MYO5B: variants seen among roughly 807,000 people sequenced by gnomAD.
The protein encoded by MYO5B is unconventional myosin-Vb.
MYO5B carries 143 observed loss-of-function variants against 229.3 expected under a neutral mutation model. The ratio of observed to expected loss-of-function variants is 0.62; its 90% CI spans 0.54 to 0.72. MYO5B has a LOEUF of 0.72. Among genes scored for constraint, MYO5B ranks in the 30% least tolerant of loss-of-function variants. The pLI, the probability that MYO5B is intolerant of heterozygous loss-of-function variation, is 0.00. For synonymous variants in MYO5B, 918 were observed against 885.2 expected (o/e 1.04, Z -0.66); for missense variants, 2,321 against 2,331.0 (o/e 1.00, Z 0.09).
chr18:49,828,168 T>G (rs1169788524), intron 39 of MYO5B, among the ~76,000 whole-genome samples: 2 of 152,206 alleles, frequency 1.3e-5, no homozygotes, highest in Non-Finnish European at 2.9e-5. Flanking sequence ...GGGCTGACTG[T>G]ATAAGGTATC....
chr18:50,004,689 G>T (rs1473278806), intron 4 of MYO5B, among the ~76,000 whole-genome samples: 1 of 152,158 alleles, frequency 6.6e-6, no homozygotes, highest in Admixed American at 6.5e-5. Context: ...GATCATGAGA[G>T]CCCATGAGTC....
chr18:50,194,051 G>A (rs1027752757), intron 1 of MYO5B, among the ~76,000 whole-genome samples: 7 of 152,106 alleles, frequency 4.6e-5, no homozygotes, highest in African/African-American at 1.2e-4. Flanking sequence ...CCCCCTCCCC[G>A]CAGTCACTGA....
At chr18:49,916,248 A>T (rs906462142) in intron 17 of MYO5B, among the ~76,000 whole-genome samples, 1 of 152,244 alleles carries the variant, frequency 6.6e-6, no homozygotes, top group Admixed American at 6.5e-5. Flanking sequence ...CTGCTGACAG[A>T]TCCATACTCA....
At chr18:49,964,670 A>T (rs189363003) in intron 10 of MYO5B, among the ~76,000 whole-genome samples, 1 of 152,172 alleles carries the variant, frequency 6.6e-6, no homozygotes, top group Non-Finnish European at 1.5e-5. Context: ...ACAGCTCAAC[A>T]TTTTTCTGTC....
At chr18:49,872,345 C>A in intron 26 of MYO5B, 113 bp from the exon 27 acceptor site, 1 of 960,466 alleles carries the variant, frequency 1.0e-6, no homozygotes, top group South Asian at 1.3e-5. Flanking sequence ...ATACCCAACA[C>A]CCCCACCCTC....
chr18:49,841,353 C>T lies in MYO5B; in HGVS notation c.4701+12G>A. ...GCAGGAATGCCTCCTGGGTGCCTGG[C>T]TCCCCACTCACCTCATCCCCGCTGT... is the stretch of plus-strand genomic sequence containing the variant. On this transcript the variant is annotated intron_variant, in intron 35 of 39. Coordinates refer to ENST00000285039, the MANE Select transcript of MYO5B (RefSeq NM_001080467.3). 2.5e-6 allele frequency: 4 copies of T among 1,613,004 alleles called. No homozygotes were observed. The highest frequency in any genetic ancestry group is 1.1e-5 in the South Asian group (1 of 91,054).
At chr18:49,875,598 G>T in intron 26 of MYO5B, 89 bp downstream of exon 26, 1 of 1,555,368 alleles carries the variant, frequency 6.4e-7, no homozygotes, top group Admixed American at 1.7e-5. Flanking sequence ...AATCCCATGT[G>T]GTCACACATG....
intron 4 of MYO5B, among the ~76,000 whole-genome samples, chr18:50,021,494 C>T (rs951643246): frequency 7.2e-5 from 11 of 152,056 alleles, no homozygotes; most frequent in Admixed American, 3.9e-4. Flanking sequence ...CCTGGAGTTA[C>T]GGCAAGAGCC....
At chr18:49,905,006 G>C (rs16951200) in intron 19 of MYO5B, among the ~76,000 whole-genome samples, 178 bp from the exon 20 acceptor site, 9 of 152,314 alleles carry the variant, frequency 5.9e-5, no homozygotes, top group African/African-American at 2.2e-4. Context: ...GGCATTTGAC[G>C]TTGTGGCTAG....
intron 17 of MYO5B, among the ~76,000 whole-genome samples, chr18:49,920,336 A>G (rs950501717): frequency 1.3e-5 from 2 of 152,214 alleles, no homozygotes; most frequent in African/African-American, 4.8e-5. Flanking sequence ...TGATGAAAAC[A>G]TAAGAGGTTT....
intron 4 of MYO5B, among the ~76,000 whole-genome samples, chr18:50,004,687 G>A (rs1162710546): frequency 6.6e-6 from 1 of 152,182 alleles, no homozygotes; most frequent in Non-Finnish European, 1.5e-5. Flanking sequence ...AGGATCATGA[G>A]AGCCCATGAG....
At position 50,067,138 on chromosome 18, in the gene MYO5B, A is replaced by G. The variant is rs77178454; in HGVS notation, c.28-11760T>C. On this transcript the variant is annotated intron_variant, in intron 1 of 39. Transcript: ENST00000285039. ...GTGAAATGTACCCTTTATCCACTCT[A>G]CTATGAAGATGGAAGGGGGAATTCA... Among the ~76,000 whole-genome samples the G allele has an allele frequency of 1.1e-4, 17 of 152,304 alleles. No homozygotes were observed. The East Asian group carries it at 3.3e-3, about 29-fold the overall frequency.
chr18:49,927,066 A>G (rs574896422), intron 17 of MYO5B, among the ~76,000 whole-genome samples: 1 of 152,320 alleles, frequency 6.6e-6, no homozygotes, highest in South Asian at 2.1e-4. Flanking sequence ...CAAGATGAAA[A>G]GAGTTCTAGA....
At chr18:50,164,130 A>C (rs1470510241) in intron 1 of MYO5B, among the ~76,000 whole-genome samples, 1 of 152,204 alleles carries the variant, frequency 6.6e-6, no homozygotes, top group Non-Finnish European at 1.5e-5. Context: ...CAGGAGTCAA[A>C]GACTACAGAA....
At chr18:50,090,731 C>A (rs1230506989) in intron 1 of MYO5B, among the ~76,000 whole-genome samples, 1 of 152,184 alleles carries the variant, frequency 6.6e-6, no homozygotes, top group Non-Finnish European at 1.5e-5. Flanking sequence ...CTACAACTGA[C>A]CTGCTCTGCG....
intron 22 of MYO5B, among the ~76,000 whole-genome samples, chr18:49,886,510 C>T (rs993804982): frequency 5.3e-5 from 8 of 152,000 alleles, no homozygotes; most frequent in African/African-American, 1.2e-4. Context: ...CAGGGACTCT[C>T]GGTATGGAGA....
In MYO5B at chr18:49,825,745, T is replaced by TG. The variant is rs1174655998; in HGVS notation, c.*725dup. 1 of 152,678 alleles carries TG rather than the reference T, an allele frequency of 6.5e-6. No individual in the cohort carries two copies. The highest frequency in any genetic ancestry group is 1.5e-5 in the Non-Finnish European group (1 of 68,100). The allele number at this position is 152,678 out of a possible 1,614,324, so 9.5% of individuals were successfully genotyped here. A position where few individuals can be genotyped will look rare whatever the true frequency, so the allele number is the denominator to read the frequency against. ...AAAATATTTTTCCATCTTTCTCACT[T>TG]GGAGTTTGGGATAGCAGCATTTTAA... On this transcript the variant is annotated 3_prime_UTR_variant, in exon 40 of 40. Transcript: ENST00000285039.
chr18:50,143,391 C>A (rs143153248), intron 1 of MYO5B, among the ~76,000 whole-genome samples: 1 of 152,244 alleles, frequency 6.6e-6, no homozygotes, highest in African/African-American at 2.4e-5. Flanking sequence ...CCAGGAGGCC[C>A]CCCTCAGTTA....
In MYO5B at chr18:49,864,393, C is replaced by T. The variant is rs754376136; in HGVS notation, c.3604-13G>A. ...CCAGCTCTTGCCTCTGGAAGACAGC[C>T]CAAGGGCCGCTGCCATTACTCCCTG... is the stretch of plus-strand genomic sequence containing the variant. On this transcript the variant is annotated splice_polypyrimidine_tract_variant and intron_variant, in intron 27 of 39. Coordinates refer to ENST00000285039, the MANE Select transcript of MYO5B (RefSeq NM_001080467.3). The T allele has an allele frequency of 1.2e-6, 2 of 1,612,304 alleles. No individual in the cohort carries two copies. Among genetic ancestry groups the T allele is most frequent in the South Asian group, 2.2e-5 (2 of 90,970 alleles).
Sources: gnomAD v4.1 joint callset for allele counts (sites outside exome capture counted in the v4.1 genomes callset) on GRCh38, gnomAD v4.1.1 for gene constraint, MANE v1.5 for transcripts, NCBI Gene and HGNC (gene_info 2026-07-23, HGNC 2026-07-21) for gene names.